The following KCNB2 variants were observed in gnomAD, a reference collection of about 807,000 sequenced individuals.
KCNB2 encodes the protein delayed rectifier potassium channel protein.
In KCNB2, 15 loss-of-function variants were observed where a neutral mutation model predicts 61.5. The ratio of observed to expected loss-of-function variants is 0.24; its 90% CI spans 0.16 to 0.38. The LOEUF is 0.38. Ranked by LOEUF, KCNB2 falls within the 10% of genes least tolerant of loss-of-function variation. The probability of loss-of-function intolerance (pLI) is 1.00; values close to 1 mark genes in which losing one functional copy is unlikely to be tolerated. For missense variants in KCNB2, 828 were observed against 1,125.2 expected, an observed-to-expected ratio of 0.74 and a Z score of 3.78; for synonymous variants, 457 against 446.0, an observed-to-expected ratio of 1.02 and a Z score of -0.31.
chr8:72,633,423 G>A (rs577746757), intron 2 of KCNB2, among the ~76,000 whole-genome samples: 5 of 152,212 alleles, frequency 3.3e-5, no homozygotes, highest in Admixed American at 1.3e-4. Flanking sequence ...CCTATTTTAA[G>A]GTGCATAACC....
rs544287553 is a variant in KCNB2, at chr8:72,621,087, A to G, written c.579+52774A>G. ...TTAATATAAAAGTGATTCTGTTTAT[A>G]TGAGTCTTCACTTTTGATACAAGAA... On this transcript the variant is annotated intron_variant, in intron 2 of 2. Transcript: ENST00000523207. 2.6e-5 allele frequency among the ~76,000 whole-genome samples: 4 copies of G among 152,324 alleles called. No individual in the cohort carries two copies. The South Asian group carries it at 6.2e-4, about 24-fold the overall frequency.
At chr8:72,789,762 T>G (rs1364272766) in intron 2 of KCNB2, among the ~76,000 whole-genome samples, 1 of 151,972 alleles carries the variant, frequency 6.6e-6, no homozygotes, top group Non-Finnish European at 1.5e-5. Context: ...TATTCTGGCA[T>G]GGAGAGGGCA....
intron 2 of KCNB2, among the ~76,000 whole-genome samples, chr8:72,735,931 A>G (rs2128993942): frequency 6.6e-6 from 1 of 152,324 alleles, no homozygotes; most frequent in Non-Finnish European, 1.5e-5. Flanking sequence ...TCAAACTACA[A>G]GTTGATAGAC....
intron 2 of KCNB2, among the ~76,000 whole-genome samples, chr8:72,641,019 G>C (rs893313129): frequency 1.3e-5 from 2 of 152,024 alleles, no homozygotes; most frequent in African/African-American, 4.8e-5. Context: ...GTGTGTAGGG[G>C]GCAGAGAAGT....
chr8:72,619,253 G>C (rs1339010215), intron 2 of KCNB2: 1 of 613,504 alleles, frequency 1.6e-6, no homozygotes, highest in African/African-American at 1.8e-5. Flanking sequence ...AGGGCGATGT[G>C]CTGTCAACCA....
chr8:72,608,156 T>C (rs970172782), intron 2 of KCNB2, among the ~76,000 whole-genome samples: 1 of 152,170 alleles, frequency 6.6e-6, no homozygotes, highest in African/African-American at 2.4e-5. Context: ...CCTCCAGATC[T>C]TGAGGCTGAA....
intron 2 of KCNB2, among the ~76,000 whole-genome samples, chr8:72,630,213 G>A (rs142457867): frequency 1.4e-3 from 214 of 152,212 alleles, no homozygotes; most frequent in African/African-American, 5.0e-3. Context: ...ACCATGAACT[G>A]ATTGTTACAC....
At chr8:72,915,360 G>A (rs1456099053) in intron 2 of KCNB2, among the ~76,000 whole-genome samples, 1 of 152,124 alleles carries the variant, frequency 6.6e-6, no homozygotes, top group African/African-American at 2.4e-5. Context: ...CAAGACTGGA[G>A]GCACTTGAAC....
intron 1 of KCNB2, among the ~76,000 whole-genome samples, chr8:72,542,275 T>C (rs1806201153): frequency 6.6e-6 from 1 of 152,188 alleles, no homozygotes; most frequent in Non-Finnish European, 1.5e-5. Context: ...ATCCTCATGA[T>C]TGACATTTTA....
intron 2 of KCNB2, among the ~76,000 whole-genome samples, chr8:72,887,722 G>A (rs539642202): frequency 5.3e-5 from 8 of 152,166 alleles, no homozygotes; most frequent in Admixed American, 1.3e-4. Flanking sequence ...TATGCCTCTC[G>A]GATTTTTGTT....
At chr8:72,912,924 A>G (rs1402793383) in intron 2 of KCNB2, among the ~76,000 whole-genome samples, 2 of 152,274 alleles carry the variant, frequency 1.3e-5, no homozygotes, top group South Asian at 2.1e-4. Flanking sequence ...GCAGCTTCAC[A>G]TACCTAGAAG....
intron 2 of KCNB2, among the ~76,000 whole-genome samples, chr8:72,687,550 A>G (rs1317193324): frequency 1.3e-5 from 2 of 152,302 alleles, no homozygotes; most frequent in East Asian, 3.9e-4. Context: ...GAACTCATAA[A>G]GGGTAAAACT....
rs1343584829 is a variant in KCNB2 at position 72,715,018 on chromosome 8, C to T, written c.579+146705C>T. ...AAGGCAGGGGTTGCAATCCTAGTCT[C>T]GGATAAAACAGACTTTAAACCAACA... On this transcript the variant is annotated intron_variant, in intron 2 of 2. Coordinates refer to ENST00000523207, the MANE Select transcript of KCNB2 (RefSeq NM_004770.3). Among the ~76,000 whole-genome samples the T allele has an allele frequency of 3.9e-5, 6 of 152,042 alleles. No individual in the cohort carries two copies. The East Asian group carries it at 9.7e-4, about 25-fold the overall frequency.
intron 2 of KCNB2, among the ~76,000 whole-genome samples, chr8:72,678,480 TA>T (rs1806698692): frequency 1.3e-5 from 2 of 151,970 alleles, no homozygotes; most frequent in African/African-American, 4.8e-5. Flanking sequence ...CCAAGCATTC[TA>T]GAAAAGCATG....
At chr8:72,564,760 A>C (rs987366943) in intron 1 of KCNB2, among the ~76,000 whole-genome samples, 4 of 152,154 alleles carry the variant, frequency 2.6e-5, no homozygotes, top group Non-Finnish European at 5.9e-5. Context: ...AAAAGTTTGG[A>C]CCCACAATCC....
intron 2 of KCNB2, among the ~76,000 whole-genome samples, chr8:72,736,812 G>T (rs2243607): frequency 3.9e-5 from 6 of 152,044 alleles, no homozygotes; most frequent in Admixed American, 6.6e-5. Context: ...AGATTTCTTT[G>T]GGAGCACTCT....
intron 2 of KCNB2, among the ~76,000 whole-genome samples, chr8:72,614,531 G>C (rs1805589346): frequency 6.6e-6 from 1 of 152,292 alleles, no homozygotes; most frequent in East Asian, 1.9e-4. Context: ...AGTGAAATGG[G>C]GGATTGAGCG....
At chr8:72,783,007 T>G (rs1808788106) in intron 2 of KCNB2, among the ~76,000 whole-genome samples, 1 of 152,218 alleles carries the variant, frequency 6.6e-6, no homozygotes, top group Non-Finnish European at 1.5e-5. Context: ...TAAGTAACTT[T>G]AAAGTTTACC....
intron 2 of KCNB2, among the ~76,000 whole-genome samples, chr8:72,920,238 C>A (rs1806483151): frequency 1.3e-5 from 2 of 150,906 alleles, no homozygotes; most frequent in Admixed American, 6.6e-5. Context: ...ATGAAAAAAA[C>A]CCACATATTT....
Sources: allele counts gnomAD v4.1 joint callset (sites outside exome capture counted in the v4.1 genomes callset), GRCh38; gene constraint gnomAD v4.1.1; transcripts MANE v1.5; gene names NCBI Gene and HGNC (gene_info 2026-07-23, HGNC 2026-07-21).